The following MAP4K5 variants were observed in gnomAD, a reference collection of about 807,000 sequenced individuals.
MAP4K5 encodes MAPK/ERK kinase kinase kinase 5.
Under a neutral mutation model 135.6 loss-of-function variants are expected in MAP4K5, and 82 were observed. That is an observed-to-expected ratio of 0.60 (90% CI 0.51 to 0.73). The LOEUF (loss-of-function observed/expected upper bound fraction) is 0.73, where lower values mean the gene tolerates loss of function less well. MAP4K5 is among the 30% of genes least tolerant of loss of function. The pLI, the probability that MAP4K5 is intolerant of heterozygous loss-of-function variation, is 0.00. For synonymous variants in MAP4K5, 347 were observed against 335.0 expected (o/e 1.04, Z -0.39); for missense variants, 907 against 1,010.9 (o/e 0.90, Z 1.39).
At chr14:50,491,173 G>C (rs1482181686) in intron 3 of MAP4K5, among the ~76,000 whole-genome samples, 4 of 152,090 alleles carry the variant, frequency 2.6e-5, no homozygotes, top group Non-Finnish European at 5.9e-5. Flanking sequence ...AAACCTGGTT[G>C]TGCCAAGATA....
At chr14:50,479,003 T>C (rs2037171172) in intron 6 of MAP4K5, among the ~76,000 whole-genome samples, 1 of 18,412 alleles carries the variant, frequency 5.4e-5, no homozygotes, top group African/African-American at 6.6e-5. Context: ...GTAGTTTTTT[T>C]CGTTTTTTTT....
chr14:50,441,561 A>T (rs1430625931), intron 21 of MAP4K5, among the ~76,000 whole-genome samples: 1 of 151,990 alleles, frequency 6.6e-6, no homozygotes, highest in Non-Finnish European at 1.5e-5. Context: ...ACTAAAAGAG[A>T]CTAAATAATA....
Position 50,447,409 on chromosome 14 carries a change from C to G in MAP4K5, c.1142+5G>C, listed in dbSNP as rs546063172. 3 of 1,527,194 alleles carry G rather than the reference C, an allele frequency of 2.0e-6. No individual in the cohort carries two copies. Among genetic ancestry groups the G allele is most frequent in the Admixed American group, 2.0e-5 (1 of 49,306 alleles). 94.6% of individuals were successfully genotyped at this position (1,527,194 alleles called of 1,614,324 possible). ...ATATAGTTATTAAATTAGAAAACAA[C>G]TTACTTGCCAGTATTTGCACCATCA... On this transcript the variant is annotated splice_donor_5th_base_variant and intron_variant, in intron 16 of 32. Transcript: ENST00000682126.
intron 1 of MAP4K5, among the ~76,000 whole-genome samples, chr14:50,551,755 C>T (rs2038705511): frequency 6.6e-6 from 1 of 152,146 alleles, no homozygotes; most frequent in African/African-American, 2.4e-5. Context: ...ATCATATAAA[C>T]AAAAATTATG....
rs369574203 is a variant in MAP4K5, at chr14:50,560,345, G to T, written c.-180+695C>A. On this transcript the variant is annotated intron_variant, in intron 1 of 8. Coordinates refer to the MAP4K5 transcript ENST00000555216. ...TCTGCAGCCTGCACGGGGTCTTCTG[G>T]CCCTCCACTTTCTGCTTCTGTGGAG... The T allele has an allele frequency of 2.3e-5, 37 of 1,606,592 alleles. No individual in the cohort carries two copies. The Admixed American group carries it at 5.1e-4, about 22-fold the overall frequency.
intron 3 of MAP4K5, among the ~76,000 whole-genome samples, chr14:50,494,789 G>A (rs994199025): frequency 6.6e-6 from 1 of 152,100 alleles, no homozygotes; most frequent in Admixed American, 6.6e-5. Flanking sequence ...TAGTATATAT[G>A]GTCAAATGAT....
intron 1 of MAP4K5, among the ~76,000 whole-genome samples, chr14:50,553,162 G>T (rs2038723661): frequency 6.6e-6 from 1 of 151,902 alleles, no homozygotes; most frequent in African/African-American, 2.4e-5. Context: ...CATGCATGGT[G>T]GTGTGTGCCT....
At chr14:50,445,562 CCTTTTT>C (rs1015143998) in intron 17 of MAP4K5, among the ~76,000 whole-genome samples, 1 of 151,922 alleles carries the variant, frequency 6.6e-6, no homozygotes, top group Non-Finnish European at 1.5e-5. Context: ...CCTGTTTTTG[CCTTTTT>C]CTTTCTTTCT....
Position 50,447,470 on chromosome 14 carries a change from T to G in MAP4K5, c.1086A>C (p.Ser362=), listed in dbSNP as rs567141061. ...TCCACTGTAACATGAAATTTGGGTC[T>G]GATGACAATCCCTGTAAAGATAAAA... The part of the protein sequence containing the change: ...TEARDEMGLS[S]DPNFMLQWNP... Residue 362 remains serine (S), a synonymous_variant, in exon 16 of 33, where the codon TCA becomes TCC. Transcript: ENST00000682126. 6 of 1,542,770 alleles carry G rather than the reference T, an allele frequency of 3.9e-6. No individual in the cohort carries two copies. In the South Asian group the frequency reaches 6.0e-5, roughly 15 times the overall value.
chr14:50,436,301 A>C (rs2036091072), intron 26 of MAP4K5, among the ~76,000 whole-genome samples: 1 of 152,108 alleles, frequency 6.6e-6, no homozygotes, highest in Admixed American at 6.6e-5. Flanking sequence ...TGCTTCTGGG[A>C]GGTAATTGCT....
chr14:50,423,047 C>T, intron 32 of MAP4K5, 74 bp downstream of exon 32: 2 of 658,048 alleles, frequency 3.0e-6, no homozygotes, highest in East Asian at 2.8e-5. Context: ...GAAACAATTA[C>T]AGACTGACAG....
At chr14:50,482,991 C>T (rs1247457425) in intron 5 of MAP4K5, 1 of 152,508 alleles carries the variant, frequency 6.6e-6, no homozygotes, top group Non-Finnish European at 1.5e-5. Context: ...ATATTAAGCA[C>T]TCATGTGCAA....
intron 28 of MAP4K5, among the ~76,000 whole-genome samples, chr14:50,432,304 G>A (rs1206871445): frequency 2.0e-5 from 3 of 152,094 alleles, no homozygotes; most frequent in African/African-American, 4.8e-5. Flanking sequence ...GTAAAAATGG[G>A]GAAACCTAAT....
intron 31 of MAP4K5, among the ~76,000 whole-genome samples, chr14:50,424,881 T>C (rs1360494662): frequency 2.6e-5 from 4 of 152,118 alleles, no homozygotes; most frequent in African/African-American, 4.8e-5. Flanking sequence ...GTAGGTTTCA[T>C]CAAGTGCAGG....
chr14:50,522,929 A>C (rs951720937), intron 2 of MAP4K5, among the ~76,000 whole-genome samples: 1 of 152,236 alleles, frequency 6.6e-6, no homozygotes, highest in African/African-American at 2.4e-5. Context: ...AAGACATAAG[A>C]AACAGCTACA....
chr14:50,464,117 T>A lies in MAP4K5; in HGVS notation c.754A>T (p.Asn252Tyr). ...TTGGTTAGTGCTATTTTGACAAAATTATGGAATGTTGATGACCTTAAAATA... is the reference window on the plus strand; with the variant it reads ...TTGGTTAGTGCTATTTTGACAAAATAATGGAATGTTGATGACCTTAAAATA... Reference protein sequence around the residue: ...DKTKWSSTFHNFVKIALTKNP... With the variant: ...DKTKWSSTFHYFVKIALTKNP... Residue 252 changes from asparagine (N) to tyrosine (Y), a missense_variant, in exon 12 of 33, where the codon AAT (asparagine) becomes TAT (tyrosine). Asn to Tyr is a moderately radical substitution (Grantham distance 143, BLOSUM62 -2). This residue lies in a region of MAP4K5 where 690 missense variants were observed against 777.4 expected (regional missense o/e 0.89). Transcript: ENST00000682126. 6.6e-7 allele frequency: 1 copy of A among 1,525,898 alleles called. No individual in the cohort carries two copies. The highest frequency in any genetic ancestry group is 8.9e-7 in the Non-Finnish European group (1 of 1,123,784). 94.5% of individuals were successfully genotyped at this position (1,525,898 alleles called of 1,614,324 possible).
At chr14:50,442,617 C>T in intron 21 of MAP4K5, 115 bp downstream of exon 21, 1 of 730,816 alleles carries the variant, frequency 1.4e-6, no homozygotes, top group Non-Finnish European at 2.3e-6. Flanking sequence ...GTTCCTATAC[C>T]ATTAGGTCTC....
chr14:50,512,110 A>G (rs1343722640), intron 2 of MAP4K5, among the ~76,000 whole-genome samples: 4 of 152,190 alleles, frequency 2.6e-5, no homozygotes, highest in Non-Finnish European at 5.9e-5. Flanking sequence ...CTAACGCAAG[A>G]TGTTAATAAA....
chr14:50,540,411 A>G (rs1332293916), intron 2 of MAP4K5, among the ~76,000 whole-genome samples: 3 of 152,166 alleles, frequency 2.0e-5, no homozygotes, highest in Non-Finnish European at 4.4e-5. Context: ...CCAATTCACA[A>G]ACCTGGAGTC....
Sources: gnomAD v4.1 joint callset for allele counts (sites outside exome capture counted in the v4.1 genomes callset) on GRCh38, gnomAD v4.1.1 for gene constraint, gnomAD v4.1.1 regional missense constraint, MANE v1.5 for transcripts, NCBI Gene and HGNC (gene_info 2026-07-23, HGNC 2026-07-21) for gene names.